PRDM5: variants seen among roughly 807,000 people sequenced by gnomAD.
The protein encoded by PRDM5 is PR/SET domain 5, also known as PR domain zinc finger protein 5.
Under a neutral mutation model 81.2 loss-of-function variants are expected in PRDM5, and 56 were observed. The ratio of observed to expected loss-of-function variants is 0.69; its 90% CI spans 0.56 to 0.86. The LOEUF is 0.86. Ranked by LOEUF, PRDM5 falls within the 40% of genes least tolerant of loss-of-function variation. The pLI is 0.00. For synonymous variants in PRDM5, 267 were observed against 256.4 expected (o/e 1.04, Z -0.39); for missense variants, 697 against 770.1 (o/e 0.91, Z 1.12).
At chr4:120,794,666 C>T (rs1389666558) in intron 10 of PRDM5, among the ~76,000 whole-genome samples, 2 of 150,906 alleles carry the variant, frequency 1.3e-5, no homozygotes, top group African/African-American at 4.9e-5. Flanking sequence ...CTCTGTTGCT[C>T]AGGCTGGAGT....
chr4:120,808,730 G>A (rs780632013), intron 8 of PRDM5, among the ~76,000 whole-genome samples: 5 of 152,186 alleles, frequency 3.3e-5, no homozygotes, highest in African/African-American at 1.2e-4. Context: ...AGGCACGGTG[G>A]GCTGCAGGTC....
intron 8 of PRDM5, among the ~76,000 whole-genome samples, chr4:120,805,273 C>T (rs1011305153): frequency 1.3e-5 from 2 of 152,172 alleles, no homozygotes; most frequent in Non-Finnish European, 2.9e-5. Flanking sequence ...ACCAGAGGTA[C>T]AAGGAGGAGC....
chr4:120,769,318 G>T (rs901404372), intron 13 of PRDM5, among the ~76,000 whole-genome samples: 1 of 152,164 alleles, frequency 6.6e-6, no homozygotes, highest in African/African-American at 2.4e-5. Flanking sequence ...ACAGGTGCAG[G>T]CAATCAGAAG....
chr4:120,724,601 T>G (rs11931792), intron 14 of PRDM5, among the ~76,000 whole-genome samples: 3,531 of 152,270 alleles, frequency 0.023, 132 homozygotes, highest in African/African-American at 0.081. Context: ...TTCTGACATA[T>G]GTGATGGTGG....
At position 120,770,176 on chromosome 4, in the gene PRDM5, G is replaced by A. The variant is rs576278808; in HGVS notation, c.1537+7012C>T. Among the ~76,000 whole-genome samples, 30 of 152,092 alleles carry A rather than the reference G, an allele frequency of 2.0e-4. No homozygotes were observed. In the East Asian group the frequency reaches 4.3e-3, roughly 22 times the overall value. On this transcript the variant is annotated intron_variant, in intron 13 of 15. Transcript: ENST00000264808. ...GCCTCCCAAGTAGCTGGGATTACAGGCACCCATCACCAAGGCTAATTTTTG... is the reference window on the plus strand; with the variant it reads ...GCCTCCCAAGTAGCTGGGATTACAGACACCCATCACCAAGGCTAATTTTTG...
At chr4:120,750,590 C>T (rs1179333102) in intron 14 of PRDM5, among the ~76,000 whole-genome samples, 1 of 152,098 alleles carries the variant, frequency 6.6e-6, no homozygotes, top group Non-Finnish European at 1.5e-5. Flanking sequence ...GACTCAAGCC[C>T]TCAATCACAT....
intron 3 of PRDM5, among the ~76,000 whole-genome samples, chr4:120,830,777 A>G (rs1333781292): frequency 6.6e-6 from 1 of 152,158 alleles, no homozygotes; most frequent in East Asian, 1.9e-4. Flanking sequence ...GTCATAGCTT[A>G]TAATCAGCCA....
At position 120,850,537 on chromosome 4, in the gene PRDM5, A is replaced by C. The variant is rs75205328; in HGVS notation, c.300+2881T>G. 7.1e-3 allele frequency among the ~76,000 whole-genome samples: 1,076 copies of C among 152,280 alleles called. 13 individuals carry two copies. Among genetic ancestry groups the C allele is most frequent in the African/African-American group, 0.025 (1,033 of 41,558 alleles). ...AAGATCCCTATTGTAATCTATGACAAAAAATATGGTAGCAGTGCACTGCAT... is the reference window on the plus strand; with the variant it reads ...AAGATCCCTATTGTAATCTATGACACAAAATATGGTAGCAGTGCACTGCAT... On this transcript the variant is annotated intron_variant, in intron 3 of 15. Coordinates refer to ENST00000264808, the MANE Select transcript of PRDM5 (RefSeq NM_018699.4).
At chr4:120,801,073 C>T (rs1166724373) in intron 8 of PRDM5, among the ~76,000 whole-genome samples, 1 of 152,168 alleles carries the variant, frequency 6.6e-6, no homozygotes, top group Non-Finnish European at 1.5e-5. Flanking sequence ...CAATGAACAA[C>T]AGCATCACAC....
chr4:120,846,705 C>T (rs1311915481), intron 3 of PRDM5, among the ~76,000 whole-genome samples: 1 of 152,078 alleles, frequency 6.6e-6, no homozygotes, highest in Non-Finnish European at 1.5e-5. Flanking sequence ...TATATTATCT[C>T]ATTTAATTTA....
chr4:120,771,058 T>C (rs1747218057), intron 13 of PRDM5, among the ~76,000 whole-genome samples: 1 of 152,164 alleles, frequency 6.6e-6, no homozygotes, highest in Non-Finnish European at 1.5e-5. Flanking sequence ...TATATATCCA[T>C]ATCACTTTTG....
chr4:120,731,332 G>A (rs979171294), intron 14 of PRDM5, among the ~76,000 whole-genome samples: 4 of 151,148 alleles, frequency 2.6e-5, no homozygotes, highest in Non-Finnish European at 4.4e-5. Flanking sequence ...GTCAGAAAAT[G>A]ATGGAGGAGG....
intron 14 of PRDM5, among the ~76,000 whole-genome samples, chr4:120,720,025 A>C (rs1346078985): frequency 6.6e-6 from 1 of 152,108 alleles, no homozygotes; most frequent in African/African-American, 2.4e-5. Context: ...GACTGGCCTC[A>C]CTGTGAGCCA....
At chr4:120,794,555 A>G (rs1331811716) in intron 10 of PRDM5, among the ~76,000 whole-genome samples, 2 of 143,406 alleles carry the variant, frequency 1.4e-5, no homozygotes, top group East Asian at 4.1e-4. Flanking sequence ...ACACACACAC[A>G]CACATACAAA....
At chr4:120,748,472 T>C (rs1397769) in intron 14 of PRDM5, among the ~76,000 whole-genome samples, 7,058 of 152,086 alleles carry the variant, frequency 0.046, 322 homozygotes, top group Middle Eastern at 0.16. Context: ...AGCAAGATCC[T>C]GTCTCCACAA....
chr4:120,732,396 T>C (rs1740402197), intron 14 of PRDM5, among the ~76,000 whole-genome samples: 1 of 152,178 alleles, frequency 6.6e-6, no homozygotes, highest in South Asian at 2.1e-4. Context: ...AGAAACTTTG[T>C]CCTTTTCACA....
intron 15 of PRDM5, among the ~76,000 whole-genome samples, chr4:120,699,166 ATATATATATAT>A (rs1734956469): frequency 3.8e-5 from 1 of 26,058 alleles, no homozygotes; most frequent in Non-Finnish European, 8.4e-5. Context: ...ATATAAATAT[ATATATATATAT>A]ATATATATAT....
intron 13 of PRDM5, among the ~76,000 whole-genome samples, chr4:120,763,888 C>T (rs1745988548): frequency 6.6e-6 from 1 of 151,068 alleles, no homozygotes; most frequent in Non-Finnish European, 1.5e-5. Flanking sequence ...AGCAAGAAAC[C>T]CATAAAATTA....
chr4:120,724,290 T>G (rs2149066708), intron 14 of PRDM5, among the ~76,000 whole-genome samples: 1 of 152,204 alleles, frequency 6.6e-6, no homozygotes, highest in African/African-American at 2.4e-5. Flanking sequence ...TAAAATGGGG[T>G]CCTTATCCTC....
Sources: allele counts gnomAD v4.1 joint callset (sites outside exome capture counted in the v4.1 genomes callset), GRCh38; gene constraint gnomAD v4.1.1; transcripts MANE v1.5; gene names NCBI Gene and HGNC (gene_info 2026-07-23, HGNC 2026-07-21).